The following UBN2 variants were observed in gnomAD, a reference collection of about 807,000 sequenced individuals.
UBN2 encodes ubinuclein 2.
UBN2 carries 35 observed loss-of-function variants against 120.2 expected under a neutral mutation model. The observed-to-expected ratio is 0.29, with a 90% CI of 0.22 to 0.39. The LOEUF (loss-of-function observed/expected upper bound fraction) is 0.39, where lower values mean the gene tolerates loss of function less well. UBN2 is among the 10% of genes least tolerant of loss of function. UBN2 has a pLI of 1.00. For synonymous variants in UBN2, 661 were observed against 648.7 expected (o/e 1.02, Z -0.29); for missense variants, 1,693 against 1,663.2 (o/e 1.02, Z -0.31).
At position 139,307,538 on chromosome 7, in the gene UBN2, T is replaced by A. The variant is rs1798380201; in HGVS notation, c.*9702T>A. ...GGGGTGGTGATGACATGTGAATGGGTGCGGGTATGTGTGCGTGTGTGTTTG... is the reference window on the plus strand; with the variant it reads ...GGGGTGGTGATGACATGTGAATGGGAGCGGGTATGTGTGCGTGTGTGTTTG... On this transcript the variant is annotated 3_prime_UTR_variant, in exon 18 of 18. Transcript: ENST00000473989. 2.0e-5 allele frequency: 3 copies of A among 151,038 alleles called. No homozygotes were observed. Among genetic ancestry groups the A allele is most frequent in the Admixed American group, 6.6e-5 (1 of 15,134 alleles). The allele number at this position is 151,038 out of a possible 1,614,324, so 9.4% of individuals were successfully genotyped here. A position where few individuals can be genotyped will look rare whatever the true frequency, so the allele number is the denominator to read the frequency against.
intron 6 of UBN2, among the ~76,000 whole-genome samples, chr7:139,262,380 G>A (rs1043129828): frequency 3.9e-5 from 6 of 152,152 alleles, no homozygotes; most frequent in Non-Finnish European, 8.8e-5. Flanking sequence ...GATTACAGGT[G>A]TGACCCACTG....
At chr7:139,289,517 G>C (rs1462193626) in intron 15 of UBN2, among the ~76,000 whole-genome samples, 2 of 150,722 alleles carry the variant, frequency 1.3e-5, no homozygotes, top group African/African-American at 4.9e-5. Flanking sequence ...GGTTCAAGCA[G>C]CTCTCCTGCC....
rs1246963399 is a variant in UBN2 at position 139,266,383 on chromosome 7, T to A, written c.1446T>A (p.Asp482Glu). ...GAAGGAAAAAATTCTTTACACAGGA[T>A]ATGAATAATATTCTTCTGGAGTAAG... ...EEGRKKFFTQ[D>E]MNNILLDIEL... Residue 482 changes from aspartate to glutamate, a missense_variant, in exon 7 of 18, where the codon GAT (aspartate) becomes GAA (glutamate). Around this residue, in one of 5 missense-constraint regions of UBN2, gnomAD observed 178 missense variants for 204.0 expected, o/e 0.87. Coordinates refer to ENST00000473989, the MANE Select transcript of UBN2 (RefSeq NM_173569.4). The A allele has an allele frequency of 6.4e-7, 1 of 1,559,206 alleles. No homozygotes were observed. The highest frequency in any genetic ancestry group is 1.8e-5 in the Admixed American group (1 of 54,572).
chr7:139,266,293 G>T, intron 6 of UBN2, 40 bp from the exon 7 acceptor site: 1 of 1,234,324 alleles, frequency 8.1e-7, no homozygotes, highest in Non-Finnish European at 1.2e-6. Flanking sequence ...ATAGAGTAAT[G>T]GCCTATTTTG....
At chr7:139,292,929 C>T (rs960414032) in intron 15 of UBN2, among the ~76,000 whole-genome samples, 19 of 152,062 alleles carry the variant, frequency 1.2e-4, no homozygotes, top group African/African-American at 4.6e-4. Flanking sequence ...TTTCAGAGAC[C>T]GAGCTGAAAT....
intron 6 of UBN2, among the ~76,000 whole-genome samples, chr7:139,262,030 G>C (rs1177237345): frequency 6.7e-6 from 1 of 149,348 alleles, no homozygotes; most frequent in Admixed American, 6.7e-5. Context: ...TGATCCGCCT[G>C]CCTTGGCCTC....
chr7:139,327,854 G>A, the UBN2 span, among the ~76,000 whole-genome samples: 5 of 152,188 alleles, frequency 3.3e-5, no homozygotes, highest in African/African-American at 1.2e-4. Context: ...TTCAGGGCTG[G>A]CTAAAATCTG....
the UBN2 span, among the ~76,000 whole-genome samples, chr7:139,324,935 A>ACT: frequency 6.6e-6 from 1 of 151,974 alleles, no homozygotes; most frequent in Non-Finnish European, 1.5e-5. Flanking sequence ...GCGCCACTGG[A>ACT]CTCTAGCCTG....
chr7:139,310,418 A>G (rs112758663), downstream of UBN2, among the ~76,000 whole-genome samples: 13 of 152,318 alleles, frequency 8.5e-5, 2 homozygotes, highest in African/African-American at 3.1e-4. Context: ...TCCCCAGAGC[A>G]ACCACCTATC....
intron 10 of UBN2, among the ~76,000 whole-genome samples, 188 bp from the exon 11 acceptor site, chr7:139,273,743 A>G (rs1369667048): frequency 6.6e-6 from 1 of 152,178 alleles, no homozygotes; most frequent in Non-Finnish European, 1.5e-5. Flanking sequence ...ATCCCTTTCA[A>G]TCTTTGGTGC....
intron 2 of UBN2, among the ~76,000 whole-genome samples, chr7:139,244,492 C>A (rs1796409132): frequency 1.3e-5 from 2 of 152,004 alleles, no homozygotes; most frequent in Non-Finnish European, 2.9e-5. Context: ...GGCAACATAG[C>A]AAGACCCCAT....
At chr7:139,311,488 C>T (rs922557826), downstream of UBN2, among the ~76,000 whole-genome samples, 1 of 152,234 alleles carries the variant, frequency 6.6e-6, no homozygotes, top group African/African-American at 2.4e-5. Context: ...CTAGACAAGA[C>T]GCTTTCCCTT....
intron 3 of UBN2, among the ~76,000 whole-genome samples, chr7:139,255,583 C>T (rs1051946426): frequency 2.6e-5 from 4 of 151,622 alleles, no homozygotes; most frequent in Admixed American, 6.6e-5. Context: ...ATGCAGGTTG[C>T]GTGACTTAAC....
chr7:139,281,683 TAATC>T (rs1357857870), intron 13 of UBN2, among the ~76,000 whole-genome samples: 4 of 152,264 alleles, frequency 2.6e-5, no homozygotes, highest in African/African-American at 9.6e-5. Context: ...AAATAAAAAT[TAATC>T]AAAAAGTTAT....
intron 2 of UBN2, among the ~76,000 whole-genome samples, chr7:139,246,711 C>T (rs1326089658): frequency 2.0e-5 from 3 of 152,100 alleles, no homozygotes; most frequent in Non-Finnish European, 2.9e-5. Flanking sequence ...CAGATCTGTC[C>T]CTCCAAACTT....
intron 2 of UBN2, among the ~76,000 whole-genome samples, chr7:139,244,962 A>G (rs1050521334): frequency 2.0e-5 from 3 of 152,034 alleles, no homozygotes; most frequent in Non-Finnish European, 2.9e-5. Context: ...TTTGGAGACA[A>G]GGTCTTCATC....
chr7:139,257,389 A>T (rs1387838222), intron 3 of UBN2, among the ~76,000 whole-genome samples: 1 of 152,050 alleles, frequency 6.6e-6, no homozygotes, highest in African/African-American at 2.4e-5. Flanking sequence ...TTTTTCTAAA[A>T]TATATTTGCT....
the UBN2 span, among the ~76,000 whole-genome samples, chr7:139,330,363 A>G: frequency 6.6e-6 from 1 of 152,244 alleles, no homozygotes; most frequent in African/African-American, 2.4e-5. Flanking sequence ...ATTGTTGTGA[A>G]CTAGATCTCC....
intron 15 of UBN2, among the ~76,000 whole-genome samples, chr7:139,289,753 A>G (rs762712368): frequency 3.2e-4 from 49 of 152,156 alleles, no homozygotes; most frequent in Non-Finnish European, 5.4e-4. Flanking sequence ...ACACTCCTTC[A>G]GAAAAGCTTT....
Sources: gnomAD v4.1 joint callset for allele counts (sites outside exome capture counted in the v4.1 genomes callset) on GRCh38, gnomAD v4.1.1 for gene constraint, gnomAD v4.1.1 regional missense constraint, MANE v1.5 for transcripts, NCBI Gene and HGNC (gene_info 2026-07-23, HGNC 2026-07-21) for gene names.